DPYD: variants seen among roughly 807,000 people sequenced by gnomAD.
The protein encoded by DPYD is dihydropyrimidine dehydrogenase.
DPYD carries 109 observed loss-of-function variants against 116.2 expected under a neutral mutation model. That is an observed-to-expected ratio of 0.94 (90% CI 0.80 to 1.10). DPYD has a LOEUF of 1.10. DPYD is among the 50% of genes least tolerant of loss of function. The pLI is 0.00. For synonymous variants in DPYD, 440 were observed against 432.0 expected (o/e 1.02, Z -0.23); for missense variants, 1,302 against 1,254.5 (o/e 1.04, Z -0.57).
chr1:97,227,297 C>T (rs1043391120), intron 19 of DPYD, among the ~76,000 whole-genome samples: 11 of 131,038 alleles, frequency 8.4e-5, no homozygotes, highest in African/African-American at 2.9e-4. Context: ...ACGGCCACTG[C>T]GCTCCAGCCT....
At position 97,256,990 on chromosome 1, in the gene DPYD, G is replaced by A. The variant is rs533092247; in HGVS notation, c.2300-21996C>T. ...CACACTACGCAATGATTACCAACAAGTTCCTTTGGAAATCACAAAGCCAAA... is the reference window on the plus strand; with the variant it reads ...CACACTACGCAATGATTACCAACAAATTCCTTTGGAAATCACAAAGCCAAA... On this transcript the variant is annotated intron_variant, in intron 18 of 22. Transcript: ENST00000370192. 9.2e-5 allele frequency among the ~76,000 whole-genome samples: 14 copies of A among 152,076 alleles called. No individual in the cohort carries two copies. In the South Asian group the frequency reaches 2.5e-3, roughly 27 times the overall value.
intron 20 of DPYD, among the ~76,000 whole-genome samples, chr1:97,191,427 A>G (rs1459678540): frequency 6.6e-6 from 1 of 152,156 alleles, no homozygotes; most frequent in African/African-American, 2.4e-5. Context: ...TCACTAATAT[A>G]ATCACATAGA....
intron 3 of DPYD, among the ~76,000 whole-genome samples, chr1:97,769,333 T>C (rs1460671088): frequency 6.6e-6 from 1 of 152,160 alleles, no homozygotes; most frequent in Non-Finnish European, 1.5e-5. Flanking sequence ...GTAACAGGCT[T>C]CTTCTTTACC....
At chr1:97,725,281 T>C (rs917635590) in intron 4 of DPYD, among the ~76,000 whole-genome samples, 2 of 151,578 alleles carry the variant, frequency 1.3e-5, no homozygotes, top group South Asian at 2.1e-4. Context: ...CTGAAAACTA[T>C]AGAAAACTGT....
At chr1:97,663,745 T>C (rs1659398119) in intron 8 of DPYD, among the ~76,000 whole-genome samples, 1 of 152,220 alleles carries the variant, frequency 6.6e-6, no homozygotes, top group Non-Finnish European at 1.5e-5. Flanking sequence ...TCCTGGTTTG[T>C]GTTTGTCCCT....
intron 8 of DPYD, among the ~76,000 whole-genome samples, chr1:97,635,823 T>C (rs893077148): frequency 6.6e-6 from 1 of 152,176 alleles, no homozygotes; most frequent in African/African-American, 2.4e-5. Context: ...TTTATTTGTT[T>C]GCTTCTTTGT....
intron 8 of DPYD, among the ~76,000 whole-genome samples, chr1:97,641,439 C>T (rs1477875762): frequency 1.3e-5 from 2 of 152,094 alleles, no homozygotes; most frequent in Non-Finnish European, 1.5e-5. Flanking sequence ...CTGATATTTT[C>T]CAGTTCCGCT....
At chr1:97,376,865 TTG>T (rs66598688) in intron 15 of DPYD, among the ~76,000 whole-genome samples, 45 of 134,600 alleles carry the variant, frequency 3.3e-4, no homozygotes, top group Non-Finnish European at 4.2e-4. Context: ...AAGAGAGAGT[TTG>T]TGTGTGTGTG....
At chr1:97,611,586 T>C (rs1370356187) in intron 8 of DPYD, among the ~76,000 whole-genome samples, 1 of 152,072 alleles carries the variant, frequency 6.6e-6, no homozygotes, top group Admixed American at 6.6e-5. Context: ...ACTTTTTCTA[T>C]ACATCAGATA....
chr1:97,349,288 T>C (rs552403548), intron 16 of DPYD, among the ~76,000 whole-genome samples: 7 of 152,088 alleles, frequency 4.6e-5, no homozygotes, highest in African/African-American at 1.7e-4. Flanking sequence ...ATCCTACAAG[T>C]TCTTACTGAA....
intron 14 of DPYD, among the ~76,000 whole-genome samples, chr1:97,411,765 T>G (rs1538176): frequency 0.2 from 30,826 of 152,076 alleles, 3,353 homozygotes; most frequent in East Asian, 0.39. Flanking sequence ...CAAAGTGATT[T>G]AGAGTAGAAG....
At chr1:97,309,331 TTGTGTGTGTGTGTGTG>T (rs59669909) in intron 16 of DPYD, among the ~76,000 whole-genome samples, 1 of 147,554 alleles carries the variant, frequency 6.8e-6, no homozygotes, top group Non-Finnish European at 1.5e-5. Context: ...GTTGCTTGTC[TTGTGTGTGTGTGTGTG>T]TGTGTGTGTG....
chr1:97,278,621 T>C (rs1302717258), intron 18 of DPYD, among the ~76,000 whole-genome samples: 1 of 152,160 alleles, frequency 6.6e-6, no homozygotes, highest in Non-Finnish European at 1.5e-5. Flanking sequence ...CTCTAAAAGT[T>C]TCAAAATATG....
intron 4 of DPYD, among the ~76,000 whole-genome samples, chr1:97,731,565 T>C (rs1273862356): frequency 6.6e-6 from 1 of 152,026 alleles, no homozygotes; most frequent in African/African-American, 2.4e-5. Flanking sequence ...ATAATCTGCA[T>C]ACTTTGTTAA....
At chr1:97,130,342 T>C (rs1303791836) in intron 20 of DPYD, among the ~76,000 whole-genome samples, 1 of 152,138 alleles carries the variant, frequency 6.6e-6, no homozygotes, top group Non-Finnish European at 1.5e-5. Flanking sequence ...AGTATCTTCT[T>C]TGTATGGACA....
At chr1:97,655,482 C>T (rs1436565209) in intron 8 of DPYD, among the ~76,000 whole-genome samples, 1 of 152,198 alleles carries the variant, frequency 6.6e-6, no homozygotes, top group African/African-American at 2.4e-5. Flanking sequence ...TGCTGAAATA[C>T]ATCCAGCTTC....
intron 3 of DPYD, among the ~76,000 whole-genome samples, chr1:97,752,232 T>A (rs1450897190): frequency 6.6e-6 from 1 of 151,922 alleles, no homozygotes; most frequent in African/African-American, 2.4e-5. Context: ...ATTTGGTAGT[T>A]TTATTCCATA....
At chr1:97,118,387 T>C (rs1652150338) in intron 20 of DPYD, among the ~76,000 whole-genome samples, 1 of 152,036 alleles carries the variant, frequency 6.6e-6, no homozygotes, top group Admixed American at 6.6e-5. Context: ...CATTTCTCTT[T>C]CTTTTTAACA....
intron 2 of DPYD, among the ~76,000 whole-genome samples, chr1:97,881,640 C>T (rs1217269120): frequency 1.3e-5 from 2 of 151,796 alleles, no homozygotes; most frequent in African/African-American, 2.4e-5. Context: ...TGCTAATTTC[C>T]ATAAAATAAC....
Sources: allele counts gnomAD v4.1 joint callset (sites outside exome capture counted in the v4.1 genomes callset), GRCh38; gene constraint gnomAD v4.1.1; transcripts MANE v1.5; gene names NCBI Gene and HGNC (gene_info 2026-07-23, HGNC 2026-07-21).